PRR16: variants seen among roughly 807,000 people sequenced by gnomAD.
The protein encoded by PRR16 is protein Largen.
PRR16 carries 6 observed loss-of-function variants against 18.2 expected under a neutral mutation model. That is an observed-to-expected ratio of 0.33 (90% CI 0.18 to 0.65). The LOEUF is 0.65. Ranked by LOEUF, PRR16 falls within the 30% of genes least tolerant of loss-of-function variation. PRR16 has a pLI of 0.74. For synonymous variants in PRR16, 151 were observed against 147.8 expected, an observed-to-expected ratio of 1.02 and a Z score of -0.16; for missense variants, 412 against 376.6, an observed-to-expected ratio of 1.09 and a Z score of -0.78.
intron 1 of PRR16, among the ~76,000 whole-genome samples, chr5:120,616,049 A>G (rs959325749): frequency 6.6e-6 from 1 of 151,998 alleles, no homozygotes; most frequent in Non-Finnish European, 1.5e-5. Context: ...CCCTTTCTCA[A>G]CCCCCACCCC....
chr5:120,735,582 C>A, the PRR16 span, among the ~76,000 whole-genome samples: 1 of 152,136 alleles, frequency 6.6e-6, no homozygotes, highest in Admixed American at 6.5e-5. Flanking sequence ...TCATGAGCAT[C>A]TTTTCACATG....
At chr5:120,665,283 CA>C (rs1756329492) in intron 1 of PRR16, among the ~76,000 whole-genome samples, 1 of 151,526 alleles carries the variant, frequency 6.6e-6, no homozygotes, top group South Asian at 2.1e-4. Flanking sequence ...TCATATCCTT[CA>C]CCCACTTTTT....
At chr5:120,738,413 A>G in the PRR16 span, among the ~76,000 whole-genome samples, 3 of 152,062 alleles carry the variant, frequency 2.0e-5, no homozygotes, top group Non-Finnish European at 4.4e-5. Flanking sequence ...TTTTTATTTA[A>G]TATTTTTATT....
chr5:120,697,772 T>C, the PRR16 span, among the ~76,000 whole-genome samples: 30 of 151,106 alleles, frequency 2.0e-4, 1 homozygote, highest in South Asian at 4.9e-3. Flanking sequence ...GTGGGGGTGC[T>C]TTTTGAGCCA....
chr5:120,633,335 C>G (rs894799749), intron 1 of PRR16, among the ~76,000 whole-genome samples: 1 of 152,090 alleles, frequency 6.6e-6, no homozygotes. Flanking sequence ...ATTCAGGAAA[C>G]AAACAGCATG....
chr5:120,747,650 C>A, the PRR16 span, among the ~76,000 whole-genome samples: 1 of 152,088 alleles, frequency 6.6e-6, no homozygotes, highest in Non-Finnish European at 1.5e-5. Flanking sequence ...ATTAAAGTGA[C>A]AGGCATTGCT....
At chr5:120,606,013 G>T (rs546437733) in intron 1 of PRR16, among the ~76,000 whole-genome samples, 1 of 152,164 alleles carries the variant, frequency 6.6e-6, no homozygotes, top group Non-Finnish European at 1.5e-5. Flanking sequence ...ACAGAGGCAG[G>T]GGGGATGCAG....
At chr5:120,609,415 A>C (rs1044704041) in intron 1 of PRR16, among the ~76,000 whole-genome samples, 1 of 152,058 alleles carries the variant, frequency 6.6e-6, no homozygotes, top group Admixed American at 6.6e-5. Context: ...CTAAAAAAAA[A>C]ATTTTTAAAA....
the PRR16 span, among the ~76,000 whole-genome samples, chr5:120,707,514 T>G: frequency 6.6e-6 from 1 of 152,188 alleles, no homozygotes; most frequent in African/African-American, 2.4e-5. Flanking sequence ...TTTCAACAAC[T>G]GGAATATTTC....
intron 1 of PRR16, among the ~76,000 whole-genome samples, chr5:120,568,355 G>A (rs928540203): frequency 6.6e-6 from 1 of 152,156 alleles, no homozygotes; most frequent in African/African-American, 2.4e-5. Context: ...TGTGCAGCTA[G>A]TGGGGAATTA....
At chr5:120,697,356 C>T in the PRR16 span, among the ~76,000 whole-genome samples, 33 of 152,282 alleles carry the variant, frequency 2.2e-4, no homozygotes, top group African/African-American at 7.2e-4. Context: ...AAATGATCTC[C>T]GTGTCAGACA....
At chr5:120,518,709 C>G (rs1344779007) in intron 1 of PRR16, among the ~76,000 whole-genome samples, 1 of 151,976 alleles carries the variant, frequency 6.6e-6, no homozygotes, top group African/African-American at 2.4e-5. Context: ...GGCAAGATGA[C>G]TACATTTTGA....
the PRR16 span, among the ~76,000 whole-genome samples, chr5:120,701,402 T>A: frequency 6.6e-6 from 1 of 152,118 alleles, no homozygotes; most frequent in South Asian, 2.1e-4. Context: ...ATTTTTATAT[T>A]TGATAAAAAA....
chr5:120,718,570 C>T, the PRR16 span, among the ~76,000 whole-genome samples: 1 of 151,994 alleles, frequency 6.6e-6, no homozygotes, highest in African/African-American at 2.4e-5. Context: ...GCAGGCTTCC[C>T]TTATATTCTA....
chr5:120,619,722 T>C (rs1352168585), intron 1 of PRR16, among the ~76,000 whole-genome samples: 6 of 152,124 alleles, frequency 3.9e-5, no homozygotes. Context: ...TTATCATTTT[T>C]GTCAAACCAA....
the PRR16 span, among the ~76,000 whole-genome samples, chr5:120,767,925 C>T: frequency 1.3e-5 from 2 of 151,746 alleles, no homozygotes; most frequent in Non-Finnish European, 3.0e-5. Flanking sequence ...AATTATATCA[C>T]AATAAAAGTG....
the PRR16 span, among the ~76,000 whole-genome samples, chr5:120,699,773 A>G: frequency 2.6e-5 from 4 of 152,126 alleles, no homozygotes; most frequent in Non-Finnish European, 5.9e-5. Context: ...TTCTGACCAC[A>G]CTAACCATGC....
chr5:120,791,182 T>TTTGA, the PRR16 span, among the ~76,000 whole-genome samples: 71 of 152,276 alleles, frequency 4.7e-4, no homozygotes, highest in African/African-American at 1.6e-3. Context: ...TAGTTGCTTA[T>TTTGA]TTGATTTGGT....
At chr5:120,596,451 G>A (rs1460854678) in intron 1 of PRR16, among the ~76,000 whole-genome samples, 1 of 151,524 alleles carries the variant, frequency 6.6e-6, no homozygotes, top group Non-Finnish European at 1.5e-5. Context: ...ATGTATTTGG[G>A]GCCATTTAAT....
Sources: gnomAD v4.1 joint callset for allele counts (sites outside exome capture counted in the v4.1 genomes callset) on GRCh38, gnomAD v4.1.1 for gene constraint, MANE v1.5 for transcripts, NCBI Gene and HGNC (gene_info 2026-07-23, HGNC 2026-07-21) for gene names.